Variants in MAOA observed in about 807,000 individuals in gnomAD.
MAOA encodes the protein monoamine oxidase A, also known as amine oxidase [flavin-containing] A.
Under a neutral mutation model 42.0 loss-of-function variants are expected in MAOA, and 6 were observed. The observed-to-expected ratio is 0.14, with a 90% CI of 0.08 to 0.28. The LOEUF (loss-of-function observed/expected upper bound fraction) is 0.28, where lower values mean the gene tolerates loss of function less well. Ranked by LOEUF, MAOA falls within the 10% of genes least tolerant of loss-of-function variation. The pLI is 1.00. For synonymous variants in MAOA, 140 were observed against 154.0 expected (o/e 0.91, Z 0.67); for missense variants, 262 against 422.3 (o/e 0.62, Z 3.33).
intron 3 of MAOA, among the ~76,000 whole-genome samples, chrX:43,695,754 A>G (rs1231173739): frequency 9.0e-6 from 1 of 111,473 alleles, no homozygotes; most frequent in Non-Finnish European, 1.9e-5. Context: ...AAAAAATAAT[A>G]AAAGTAAAAC....
intron 5 of MAOA, among the ~76,000 whole-genome samples, chrX:43,724,627 C>A (rs763530374): frequency 9.0e-6 from 1 of 111,170 alleles, no homozygotes; most frequent in South Asian, 3.8e-4. Flanking sequence ...AAACCAGCTC[C>A]TGGATTCACT....
At chrX:43,688,439 C>G (rs1341566693) in intron 2 of MAOA, among the ~76,000 whole-genome samples, 1 of 111,980 alleles carries the variant, frequency 8.9e-6, no homozygotes, top group Non-Finnish European at 1.9e-5. Context: ...CGCCACCATG[C>G]CCGGCTCATT....
At chrX:43,673,728 T>A in intron 1 of MAOA, among the ~76,000 whole-genome samples, 1 of 112,001 alleles carries the variant, frequency 8.9e-6, no homozygotes, top group Non-Finnish European at 1.9e-5. Context: ...AGGAGCAGGT[T>A]GTTCAGTTTC....
At chrX:43,675,441 C>T (rs192268747) in intron 1 of MAOA, among the ~76,000 whole-genome samples, 3 of 112,642 alleles carry the variant, frequency 2.7e-5, no homozygotes, top group South Asian at 3.7e-4. Flanking sequence ...TCGCTCAACT[C>T]GTCAAAGTCA....
chrX:43,737,605 A>G (rs2033929398), intron 10 of MAOA, among the ~76,000 whole-genome samples: 1 of 111,481 alleles, frequency 9.0e-6, no homozygotes, highest in African/African-American at 3.3e-5. Flanking sequence ...GCAGAAGGGC[A>G]GAAAGGGCCT....
At chrX:43,743,688 G>C in intron 12 of MAOA, 106 bp from the exon 13 acceptor site, 1 of 972,758 alleles carries the variant, frequency 1.0e-6, no homozygotes, top group East Asian at 3.4e-5. Context: ...TTTTTAAACA[G>C]TCTGAATTTC....
intron 3 of MAOA, among the ~76,000 whole-genome samples, chrX:43,707,753 A>G: frequency 8.9e-6 from 1 of 112,195 alleles, no homozygotes; most frequent in Non-Finnish European, 1.9e-5. Context: ...CAAGGTATTC[A>G]TATAAGCTGT....
At chrX:43,658,222 T>G (rs772067668) in intron 1 of MAOA, among the ~76,000 whole-genome samples, 1 of 111,622 alleles carries the variant, frequency 9.0e-6, no homozygotes, top group Non-Finnish European at 1.9e-5. Context: ...ATTCTGCAAT[T>G]CAGAGTTCTT....
At chrX:43,724,341 C>T (rs1198874364) in intron 5 of MAOA, among the ~76,000 whole-genome samples, 8 of 111,476 alleles carry the variant, frequency 7.2e-5, no homozygotes, top group Non-Finnish European at 1.5e-4. Context: ...CTATTAATTA[C>T]TGCCTCAATT....
intron 5 of MAOA, 40 bp from the exon 6 acceptor site, chrX:43,728,133 A>G: frequency 8.5e-7 from 1 of 1,177,220 alleles, no homozygotes; most frequent in Non-Finnish European, 1.2e-6. Flanking sequence ...TGACTCCTGT[A>G]CATATTGACA....
intron 1 of MAOA, among the ~76,000 whole-genome samples, chrX:43,680,577 C>T (rs1443114942): frequency 9.1e-6 from 1 of 110,417 alleles, no homozygotes; most frequent in Non-Finnish European, 1.9e-5. Flanking sequence ...CCTCTCCTTT[C>T]TTCATTCTTG....
chrX:43,656,553 C>T (rs1363577238), intron 1 of MAOA, 139 bp downstream of exon 1: 5 of 582,389 alleles, frequency 8.6e-6, no homozygotes, highest in Admixed American at 5.3e-5. Context: ...CCATATCCTG[C>T]GAGGTAGGAG....
At chrX:43,725,394 G>A (rs970472614) in intron 5 of MAOA, among the ~76,000 whole-genome samples, 7 of 111,530 alleles carry the variant, frequency 6.3e-5, no homozygotes, top group Non-Finnish European at 1.3e-4. Flanking sequence ...AGCTCTTCTC[G>A]TTGCATTGAT....
chrX:43,731,191 C>T (rs772403580), intron 6 of MAOA, 50 bp from the exon 7 acceptor site: 1 of 1,172,392 alleles, frequency 8.5e-7, no homozygotes, highest in Non-Finnish European at 1.2e-6. Context: ...TAGGATTTTC[C>T]TTCCTTGGGC....
chrX:43,683,499 T>C lies in MAOA; in HGVS notation c.74-14T>C. The C allele has an allele frequency of 8.4e-7, 1 of 1,187,640 alleles. No individual in the cohort carries two copies. Among genetic ancestry groups the C allele is most frequent in the Non-Finnish European group, 1.1e-6 (1 of 873,420 alleles). On this transcript the variant is annotated splice_polypyrimidine_tract_variant and intron_variant, in intron 1 of 14. Transcript: ENST00000338702. ...ATTTGAATGTTACGTTGCTCTTTTT[T>C]GTTTTTCCTTTAGGACTATCTGCTG...
chrX:43,685,847 T>C (rs1207182505), intron 2 of MAOA, among the ~76,000 whole-genome samples: 1 of 112,075 alleles, frequency 8.9e-6, no homozygotes, highest in Non-Finnish European at 1.9e-5. Flanking sequence ...GATTAAATTT[T>C]CTGAGTGCTC....
Position 43,696,317 on chromosome X carries a change from C to T in MAOA, c.306+2889C>T, listed in dbSNP as rs6520897. Among the ~76,000 whole-genome samples the T allele has an allele frequency of 4.5e-5, 5 of 112,166 alleles. No homozygotes were observed. In the Admixed American group the frequency reaches 4.7e-4, roughly 11 times the overall value. On this transcript the variant is annotated intron_variant, in intron 3 of 14. Coordinates refer to ENST00000338702, the MANE Select transcript of MAOA (RefSeq NM_000240.4). Reference sequence around the variant, plus strand: ...TCAACTCTACCATATTTTTATTTCACAAAAATACAAATATGGCTGTGCTAT... The same window carrying T: ...TCAACTCTACCATATTTTTATTTCATAAAAATACAAATATGGCTGTGCTAT...
At chrX:43,729,079 T>C (rs1261567007) in intron 6 of MAOA, among the ~76,000 whole-genome samples, 1 of 112,461 alleles carries the variant, frequency 8.9e-6, no homozygotes, top group African/African-American at 3.2e-5. Flanking sequence ...GAATTCTGAG[T>C]GCACAGTACA....
intron 1 of MAOA, among the ~76,000 whole-genome samples, chrX:43,664,305 T>G (rs1412100522): frequency 1.8e-5 from 2 of 111,693 alleles, no homozygotes; most frequent in Non-Finnish European, 3.8e-5. Flanking sequence ...AAGGCTGTGG[T>G]GGTTGAGATT....
Sources: gnomAD v4.1 joint callset for allele counts (sites outside exome capture counted in the v4.1 genomes callset) on GRCh38, gnomAD v4.1.1 for gene constraint, MANE v1.5 for transcripts, NCBI Gene and HGNC (gene_info 2026-07-23, HGNC 2026-07-21) for gene names.